IRAK2: variants seen among roughly 807,000 people sequenced by gnomAD.
IRAK2 encodes the protein interleukin-1 receptor-associated kinase-like 2.
A neutral mutation model predicts 72.0 loss-of-function variants in IRAK2; 57 were observed. That is an observed-to-expected ratio of 0.79 (90% confidence interval 0.64 to 0.99). The LOEUF (loss-of-function observed/expected upper bound fraction) is 0.99, where lower values mean the gene tolerates loss of function less well. IRAK2 is among the 50% of genes least tolerant of loss of function. The probability of loss-of-function intolerance (pLI) is 0.00; values close to 1 mark genes in which losing one functional copy is unlikely to be tolerated. For synonymous variants in IRAK2, 293 were observed against 312.7 expected (o/e 0.94, Z 0.67); for missense variants, 790 against 794.4 (o/e 0.99, Z 0.07).
intron 1 of IRAK2, among the ~76,000 whole-genome samples, chr3:10,166,935 C>T (rs998448915): frequency 6.6e-6 from 1 of 152,348 alleles, no homozygotes; most frequent in Admixed American, 6.5e-5. Context: ...TGAGCCACTG[C>T]TCCTGGACCT....
chr3:10,165,721 ATTTTT>A (rs34176794), intron 1 of IRAK2, among the ~76,000 whole-genome samples: 8,586 of 76,720 alleles, frequency 0.11, 643 homozygotes, highest in African/African-American at 0.26. Flanking sequence ...GTCTTGAACT[ATTTTT>A]TTTTTTTTTT....
intron 2 of IRAK2, among the ~76,000 whole-genome samples, chr3:10,198,447 G>A (rs778897130): frequency 6.6e-6 from 1 of 152,210 alleles, no homozygotes; most frequent in Non-Finnish European, 1.5e-5. Context: ...AGTGATGGCA[G>A]TGGTGTTTCA....
chr3:10,195,008 C>T (rs920166055), intron 2 of IRAK2, among the ~76,000 whole-genome samples: 1 of 152,214 alleles, frequency 6.6e-6, no homozygotes, highest in Non-Finnish European at 1.5e-5. Context: ...CCCTCCCCAT[C>T]TGTTCCTCAC....
rs555758160 is a variant in IRAK2, at chr3:10,168,457, C to T, written c.94+3409C>T. ...AACTCCTAACCTCAGGTGATCTGCC[C>T]GCCTCGGCCTCCCAAAGTGCTGGGA... On this transcript the variant is annotated intron_variant, in intron 1 of 12. Coordinates refer to ENST00000256458, the MANE Select transcript of IRAK2 (RefSeq NM_001570.4). 3.6e-4 allele frequency among the ~76,000 whole-genome samples: 54 copies of T among 152,012 alleles called. 1 individual carries two copies. Among genetic ancestry groups the T allele is most frequent in the Middle Eastern group, 3.4e-3 (1 of 294 alleles).
chr3:10,211,725 A>C (rs558282331), intron 4 of IRAK2, among the ~76,000 whole-genome samples: 1 of 152,268 alleles, frequency 6.6e-6, no homozygotes, highest in Admixed American at 6.5e-5. Context: ...AGTTAAATGG[A>C]TAATGGGGTT....
At chr3:10,234,315 T>C in intron 10 of IRAK2, 144 bp from the exon 11 acceptor site, 1 of 663,626 alleles carries the variant, frequency 1.5e-6, no homozygotes, top group Non-Finnish European at 2.7e-6. Context: ...GTTTTACTTC[T>C]TTCTGGAATC....
At chr3:10,220,637 C>T (rs926690258) in intron 8 of IRAK2, among the ~76,000 whole-genome samples, 1 of 152,050 alleles carries the variant, frequency 6.6e-6, no homozygotes, top group South Asian at 2.1e-4. Context: ...GATAGGCTTT[C>T]ACCATGTTGG....
intron 1 of IRAK2, among the ~76,000 whole-genome samples, chr3:10,172,020 G>A (rs1696801507): frequency 6.6e-6 from 1 of 152,014 alleles, no homozygotes; most frequent in East Asian, 1.9e-4. Context: ...GGAGGACCAC[G>A]AGGTCAGGAG....
intron 11 of IRAK2, among the ~76,000 whole-genome samples, chr3:10,236,717 C>T (rs1419519354): frequency 6.6e-6 from 1 of 152,080 alleles, no homozygotes; most frequent in South Asian, 2.1e-4. Flanking sequence ...TCTCCTTCAA[C>T]CAATTATTCT....
At chr3:10,226,275 C>T in intron 9 of IRAK2, 96 bp from the exon 10 acceptor site, 1 of 971,050 alleles carries the variant, frequency 1.0e-6, no homozygotes, top group Non-Finnish European at 1.6e-6. Flanking sequence ...CAGAGCTGCA[C>T]CTGGAGCTCA....
chr3:10,223,646 A>C (rs1197466209), intron 9 of IRAK2, among the ~76,000 whole-genome samples: 1 of 152,206 alleles, frequency 6.6e-6, no homozygotes, highest in Non-Finnish European at 1.5e-5. Context: ...TTCACCAGAG[A>C]GGGGTATGCA....
intron 2 of IRAK2, among the ~76,000 whole-genome samples, chr3:10,196,587 T>A (rs905483767): frequency 6.6e-6 from 1 of 152,178 alleles, no homozygotes; most frequent in Non-Finnish European, 1.5e-5. Flanking sequence ...TGGGGGGGTG[T>A]GGCCTATAGA....
At chr3:10,220,907 A>C (rs1173429081) in intron 8 of IRAK2, among the ~76,000 whole-genome samples, 2 of 152,096 alleles carry the variant, frequency 1.3e-5, no homozygotes, top group Non-Finnish European at 2.9e-5. Context: ...CTGAGGTAGC[A>C]CCTGGGTACC....
chr3:10,235,750 T>C (rs888580636), intron 11 of IRAK2, among the ~76,000 whole-genome samples: 6 of 152,146 alleles, frequency 3.9e-5, no homozygotes, highest in South Asian at 4.1e-4. Flanking sequence ...CCTCCCATTT[T>C]ACAGAAGGGC....
At position 10,200,453 on chromosome 3, in the gene IRAK2, G is replaced by C; in HGVS notation, c.362G>C (p.Arg121Thr). ...GAAAAGCCTTTGGCAGCTTCTGTAA[G>C]AAAGGCTGAGGATGAACAGGAAGAG... ...KPEKPLAASV[R>T]KAEDEQEEGQ... Residue 121 changes from arginine to threonine, a missense_variant, in exon 3 of 13, where the codon AGA becomes ACA. Arg to Thr is a moderately conservative substitution (Grantham distance 71). Coordinates refer to ENST00000256458, the MANE Select transcript of IRAK2 (RefSeq NM_001570.4). 6.2e-7 allele frequency: 1 copy of C among 1,608,974 alleles called. No homozygotes were observed. Among genetic ancestry groups the C allele is most frequent in the Non-Finnish European group, 8.5e-7 (1 of 1,175,712 alleles).
chr3:10,238,620 C>T lies in IRAK2; in HGVS notation c.1474-128C>T, dbSNP rs1053768556. On this transcript the variant is annotated intron_variant, in intron 11 of 12. Coordinates refer to ENST00000256458, the MANE Select transcript of IRAK2 (RefSeq NM_001570.4). ...TTTCAAAGGAAGGGTGTGGTTTTTT[C>T]AGACAAAACAACCAGCATTAGGTTC... 6.6e-6 allele frequency: 6 copies of T among 906,428 alleles called. No individual in the cohort carries two copies. In the South Asian group the frequency reaches 9.9e-5, roughly 15 times the overall value. The allele number at this position is 906,428 out of a possible 1,614,324, so 56.1% of individuals were successfully genotyped here.
intron 2 of IRAK2, among the ~76,000 whole-genome samples, chr3:10,182,361 C>T (rs1326486459): frequency 6.6e-6 from 1 of 151,164 alleles, no homozygotes; most frequent in Non-Finnish European, 1.5e-5. Context: ...CGGCTCACTG[C>T]AAGCTCCGCC....
At chr3:10,206,397 A>T (rs906265698) in intron 3 of IRAK2, among the ~76,000 whole-genome samples, 2 of 152,104 alleles carry the variant, frequency 1.3e-5, no homozygotes, top group African/African-American at 4.8e-5. Context: ...TGGCTGCTAG[A>T]TTCACACAGC....
chr3:10,188,120 C>T (rs1293721354), intron 2 of IRAK2, among the ~76,000 whole-genome samples: 1 of 152,106 alleles, frequency 6.6e-6, no homozygotes, highest in African/African-American at 2.4e-5. Context: ...GGAGAATCCA[C>T]TATAATCAAT....
Sources: allele counts gnomAD v4.1 joint callset (sites outside exome capture counted in the v4.1 genomes callset), GRCh38; gene constraint gnomAD v4.1.1; transcripts MANE v1.5; gene names NCBI Gene and HGNC (gene_info 2026-07-23, HGNC 2026-07-21).